CAMSAP1: variants seen among roughly 807,000 people sequenced by gnomAD.
CAMSAP1 encodes the protein calmodulin regulated spectrin associated protein 1, also known as calmodulin-regulated spectrin-associated protein 1.
CAMSAP1 carries 58 observed loss-of-function variants against 143.5 expected under a neutral mutation model. The observed-to-expected ratio is 0.40, with a 90% CI of 0.33 to 0.50. The LOEUF (loss-of-function observed/expected upper bound fraction) is 0.50. Among genes scored for constraint, CAMSAP1 ranks in the 20% least tolerant of loss-of-function variants. CAMSAP1 has a pLI of 0.45. For synonymous variants in CAMSAP1, 945 were observed against 859.3 expected (o/e 1.10, Z -1.74); for missense variants, 1,969 against 2,115.7 (o/e 0.93, Z 1.36).
rs1427299111 is a variant in CAMSAP1 at position 135,811,391 on chromosome 9, C to A, written c.4727G>T (p.Ser1576Ile). The A allele has an allele frequency of 6.2e-7, 1 of 1,613,026 alleles. No individual in the cohort carries two copies. The highest frequency in any genetic ancestry group is 1.7e-5 in the Admixed American group (1 of 59,890). Reference protein sequence around the residue: ...NLIPAKTMSVSVDALTIHNHL... With the variant: ...NLIPAKTMSVIVDALTIHNHL... ...GTTGTGGATTGTGAGTGCGTCCACA[C>A]TGACAGACATGGTTTTGGCTGGGAT... Residue 1576 changes from serine to isoleucine, a missense_variant, in exon 17 of 17, where the codon AGT becomes ATT. Around this residue, in one of 4 missense-constraint regions of CAMSAP1, gnomAD observed 143 missense variants for 200.6 expected, o/e 0.71. Transcript: ENST00000389532. The surrounding 1 kb of genome is among the most constrained non-coding windows in gnomAD (Gnocchi z 4.9).
rs542609709 is a variant in CAMSAP1 at position 135,843,598 on chromosome 9, G to A, written c.1045+6539C>T. 7.2e-5 allele frequency among the ~76,000 whole-genome samples: 11 copies of A among 152,126 alleles called. No individual in the cohort carries two copies. In the South Asian group the frequency reaches 1.5e-3, roughly 20 times the overall value. ...ATGCAATAAGAAGAGCTGGCAGGGC[G>A]CAGTGGTTCATGCCTGTAATCCCAG... is the stretch of plus-strand genomic sequence containing the variant. On this transcript the variant is annotated intron_variant, in intron 7 of 16. Transcript: ENST00000389532.
intron 7 of CAMSAP1, among the ~76,000 whole-genome samples, chr9:135,833,569 G>C (rs912979243): frequency 5.9e-5 from 9 of 152,202 alleles, no homozygotes; most frequent in African/African-American, 2.2e-4. Flanking sequence ...GGAAAGGATA[G>C]TACCTTCAAT....
intron 1 of CAMSAP1, among the ~76,000 whole-genome samples, chr9:135,900,116 C>G (rs1254540078): frequency 1.3e-5 from 2 of 152,164 alleles, no homozygotes; most frequent in African/African-American, 4.8e-5. Context: ...GGCTCAATCT[C>G]CTGGGCTCAA....
chr9:135,824,909 T>G lies in CAMSAP1; in HGVS notation c.1224-29A>C, dbSNP rs1253410929. 2 of 1,530,500 alleles carry G rather than the reference T, an allele frequency of 1.3e-6. No individual in the cohort carries two copies. The highest frequency in any genetic ancestry group is 1.8e-6 in the Non-Finnish European group (2 of 1,126,468). 94.8% of individuals were successfully genotyped at this position (1,530,500 alleles called of 1,614,324 possible). A position where few individuals can be genotyped will look rare whatever the true frequency, so the allele number is the denominator to read the frequency against. ...AATGGAAAAAGAATTACAGGGAAAA[T>G]CATTCCTTTATCAAACTTCAAGGTC... On this transcript the variant is annotated intron_variant, in intron 8 of 16. Coordinates refer to ENST00000389532, the MANE Select transcript of CAMSAP1 (RefSeq NM_015447.4). This position sits in a 1 kb window ranked among gnomAD's most constrained non-coding sequence, Gnocchi z 4.1.
rs573651818 is a variant in CAMSAP1, at chr9:135,886,777, A to C, written c.161-3699T>G. ...GGAGGCTGCTGTGGTCACCGCCAGG[A>C]GAGACAATGGAGGCTGACACAGGCA... On this transcript the variant is annotated intron_variant, in intron 1 of 16. Transcript: ENST00000389532. Among the ~76,000 whole-genome samples, 21 of 152,382 alleles carry C rather than the reference A, an allele frequency of 1.4e-4. 2 individuals carry two copies. In the South Asian group the frequency reaches 4.3e-3, roughly 32 times the overall value.
chr9:135,889,840 C>T (rs1838232828), intron 1 of CAMSAP1, among the ~76,000 whole-genome samples: 1 of 152,186 alleles, frequency 6.6e-6, no homozygotes. Context: ...TCATTCACAC[C>T]TCAGAAACCC....
At chr9:135,887,719 G>A (rs942131943) in intron 1 of CAMSAP1, among the ~76,000 whole-genome samples, 4 of 152,208 alleles carry the variant, frequency 2.6e-5, no homozygotes, top group African/African-American at 9.7e-5. Flanking sequence ...CTGCTGAGTG[G>A]GAGGGCCCAG....
intron 7 of CAMSAP1, among the ~76,000 whole-genome samples, chr9:135,841,757 G>C (rs923502520): frequency 6.6e-6 from 1 of 152,198 alleles, no homozygotes; most frequent in Non-Finnish European, 1.5e-5. Context: ...GCAGCAGAGG[G>C]ACCTGGCTTT....
chr9:135,906,921 ACCCGGCCGGAC>A, intron 1 of CAMSAP1, 68 bp downstream of exon 1: 2 of 813,520 alleles, frequency 2.5e-6, no homozygotes, highest in Non-Finnish European at 3.0e-6. Context: ...GCGGACCCCG[ACCCGGCCGGAC>A]CCCGGCCGCG....
At position 135,826,362 on chromosome 9, in the gene CAMSAP1, GCT is replaced by G. The variant is rs1409613654; in HGVS notation, c.1223+1043_1223+1044del. On this transcript the variant is annotated intron_variant, in intron 8 of 16. Transcript: ENST00000389532. This position sits in a 1 kb window ranked among gnomAD's most constrained non-coding sequence, Gnocchi z 4.4. ...GGCATGGAGTTACCGCCCCACCTCT[GCT>G]CTGAGCTCTGGGGACAGACACCCCA... 4 of 152,242 alleles carry G rather than the reference GCT, an allele frequency of 2.6e-5. No individual in the cohort carries two copies. Among genetic ancestry groups the G allele is most frequent in the African/African-American group, 4.8e-5 (2 of 41,396 alleles). The allele number at this position is 152,242 out of a possible 1,614,324, so 9.4% of individuals were successfully genotyped here.
chr9:135,847,579 A>G (rs151177725), intron 7 of CAMSAP1, among the ~76,000 whole-genome samples: 1,831 of 151,056 alleles, frequency 0.012, 43 homozygotes, highest in African/African-American at 0.043. Flanking sequence ...GCTGGAAGCC[A>G]TCATTCTCAG....
intron 1 of CAMSAP1, among the ~76,000 whole-genome samples, chr9:135,904,402 CA>C (rs34983397): frequency 2.1e-3 from 179 of 84,000 alleles, no homozygotes; most frequent in African/African-American, 2.0e-3. Flanking sequence ...CTGTCCTCCA[CA>C]AAAAAAAAAA....
At chr9:135,891,381 G>A (rs547839862) in intron 1 of CAMSAP1, among the ~76,000 whole-genome samples, 3 of 152,240 alleles carry the variant, frequency 2.0e-5, no homozygotes, top group Non-Finnish European at 4.4e-5. Context: ...GAGAGCTGGA[G>A]AGGGATCCCC....
chr9:135,896,449 C>T (rs147721448), intron 1 of CAMSAP1, among the ~76,000 whole-genome samples: 24 of 152,254 alleles, frequency 1.6e-4, no homozygotes, highest in African/African-American at 5.8e-4. Context: ...CTAGGGACTT[C>T]AACACCCCCT....
At chr9:135,813,272 G>A (rs1006698797) in intron 16 of CAMSAP1, among the ~76,000 whole-genome samples, 1 of 152,222 alleles carries the variant, frequency 6.6e-6, no homozygotes, top group African/African-American at 2.4e-5. Flanking sequence ...TGTAATGGAC[G>A]GAGGGCCCGA....
At chr9:135,814,598 C>T (rs960980312) in intron 16 of CAMSAP1, among the ~76,000 whole-genome samples, 8 of 152,186 alleles carry the variant, frequency 5.3e-5, no homozygotes, top group South Asian at 2.1e-4. Context: ...AGCGGGTGCG[C>T]GCCTCTTCCC....
At chr9:135,838,343 A>T (rs1836190766) in intron 7 of CAMSAP1, among the ~76,000 whole-genome samples, 1 of 145,816 alleles carries the variant, frequency 6.9e-6, no homozygotes, top group African/African-American at 2.6e-5. Flanking sequence ...GTCATCACGC[A>T]CTTTCCACCC....
intron 3 of CAMSAP1, among the ~76,000 whole-genome samples, chr9:135,878,909 T>C (rs752464702): frequency 7.2e-5 from 11 of 151,824 alleles, no homozygotes; most frequent in Non-Finnish European, 1.3e-4. Context: ...TGAATACAAA[T>C]GTAAATAATG....
At chr9:135,888,583 G>A (rs1405428474) in intron 1 of CAMSAP1, among the ~76,000 whole-genome samples, 1 of 152,220 alleles carries the variant, frequency 6.6e-6, no homozygotes, top group Non-Finnish European at 1.5e-5. Flanking sequence ...CCTGGGAGCT[G>A]AGACCAGCTC....
Sources: allele counts gnomAD v4.1 joint callset (sites outside exome capture counted in the v4.1 genomes callset), GRCh38; gene constraint gnomAD v4.1.1; regional missense constraint gnomAD v4.1.1; non-coding constraint Gnocchi (gnomAD v3.1); transcripts MANE v1.5; gene names NCBI Gene and HGNC (gene_info 2026-07-23, HGNC 2026-07-21).